Variants in GULP1 observed in about 807,000 individuals in gnomAD.
GULP1 encodes GULP PTB domain containing engulfment adaptor 1, also known as PTB domain-containing engulfment adapter protein 1.
GULP1 carries 19 observed loss-of-function variants against 40.9 expected under a neutral mutation model. The ratio of observed to expected loss-of-function variants is 0.46; its 90% CI spans 0.32 to 0.68. The LOEUF (loss-of-function observed/expected upper bound fraction) is 0.68, where lower values mean the gene tolerates loss of function less well. GULP1 is among the 30% of genes least tolerant of loss of function. GULP1 has a pLI of 0.03. For synonymous variants in GULP1, 119 were observed against 117.6 expected, an observed-to-expected ratio of 1.01 and a Z score of -0.08; for missense variants, 312 against 362.2, an observed-to-expected ratio of 0.86 and a Z score of 1.12.
At chr2:188,569,168 T>C (rs1488654604) in intron 7 of GULP1, 71 bp from the exon 8 acceptor site, 2 of 811,848 alleles carry the variant, frequency 2.5e-6, no homozygotes, top group African/African-American at 3.4e-5. Flanking sequence ...CTTATATGAA[T>C]GTTGTTTTCT....
intron 4 of GULP1, among the ~76,000 whole-genome samples, chr2:188,495,750 G>A (rs1172565382): frequency 6.6e-6 from 1 of 151,930 alleles, no homozygotes; most frequent in Non-Finnish European, 1.5e-5. Flanking sequence ...ACAGTGCCTA[G>A]CACATGGTTG....
intron 2 of GULP1, among the ~76,000 whole-genome samples, chr2:188,420,170 G>T (rs1008285106): frequency 4.6e-5 from 7 of 151,998 alleles, no homozygotes; most frequent in Non-Finnish European, 8.8e-5. Context: ...GCTATTTGGG[G>T]TTTTTGTGGT....
At chr2:188,388,307 T>A (rs1361939285) in intron 2 of GULP1, among the ~76,000 whole-genome samples, 1 of 149,390 alleles carries the variant, frequency 6.7e-6, no homozygotes. Context: ...GGCAGGTGGA[T>A]CGCTTGAGGA....
chr2:188,299,360 G>A (rs1214227689), intron 1 of GULP1, among the ~76,000 whole-genome samples: 1 of 152,270 alleles, frequency 6.6e-6, no homozygotes, highest in East Asian at 1.9e-4. Flanking sequence ...ACAAAGAACA[G>A]GGAAGCTCAA....
chr2:188,432,172 C>T lies in GULP1; in HGVS notation c.-44-45487C>T, dbSNP rs561163739. On this transcript the variant is annotated intron_variant, in intron 2 of 11. Transcript: ENST00000409830. ...TAAATTTTTTAAGAAAAAATATCTT[C>T]GTATGTATTTTTTAAAATTGGAAAT... is the stretch of plus-strand genomic sequence containing the variant. 1.2e-4 allele frequency among the ~76,000 whole-genome samples: 18 copies of T among 151,516 alleles called. No individual in the cohort carries two copies. In the East Asian group the frequency reaches 1.6e-3, roughly 13 times the overall value.
intron 2 of GULP1, among the ~76,000 whole-genome samples, chr2:188,386,098 G>A (rs530610352): frequency 3.9e-5 from 6 of 152,096 alleles, no homozygotes; most frequent in Admixed American, 1.3e-4. Context: ...TGCTGATGAC[G>A]ACATACCCAA....
intron 9 of GULP1, among the ~76,000 whole-genome samples, chr2:188,583,015 T>A (rs1701636371): frequency 6.6e-6 from 1 of 151,888 alleles, no homozygotes; most frequent in Non-Finnish European, 1.5e-5. Flanking sequence ...GTAAATAAAT[T>A]TTTGATTGAT....
At chr2:188,486,769 T>G (rs1463022685) in intron 4 of GULP1, among the ~76,000 whole-genome samples, 1 of 151,970 alleles carries the variant, frequency 6.6e-6, no homozygotes, top group Non-Finnish European at 1.5e-5. Context: ...TAATGTGCAG[T>G]GACAGCATTA....
At chr2:188,494,617 C>T (rs1043885316) in intron 4 of GULP1, among the ~76,000 whole-genome samples, 43 of 151,998 alleles carry the variant, frequency 2.8e-4, no homozygotes, top group African/African-American at 1.0e-3. Context: ...TCCTCTTCTT[C>T]CAGTTCCGAT....
chr2:188,419,018 C>T (rs1360385751), intron 2 of GULP1, among the ~76,000 whole-genome samples: 2 of 152,140 alleles, frequency 1.3e-5, no homozygotes, highest in Non-Finnish European at 2.9e-5. Flanking sequence ...GTACAGTGTC[C>T]TCAAGGTTCA....
intron 6 of GULP1, among the ~76,000 whole-genome samples, chr2:188,533,642 A>G (rs568333004): frequency 1.4e-3 from 215 of 152,266 alleles, no homozygotes; most frequent in Admixed American, 3.7e-3. Context: ...GACCTAATTA[A>G]ATTAAAGAGC....
intron 2 of GULP1, among the ~76,000 whole-genome samples, chr2:188,421,548 A>G (rs1036929133): frequency 2.0e-5 from 3 of 152,182 alleles, no homozygotes; most frequent in Non-Finnish European, 4.4e-5. Context: ...ACATTTATCA[A>G]TCACTTAAAT....
intron 4 of GULP1, among the ~76,000 whole-genome samples, chr2:188,499,564 T>C (rs1248920721): frequency 6.6e-6 from 1 of 151,738 alleles, no homozygotes; most frequent in Non-Finnish European, 1.5e-5. Flanking sequence ...TCCAGGGAAG[T>C]AGTCAGAACT....
chr2:188,353,287 TTA>T (rs2044761165), intron 1 of GULP1, among the ~76,000 whole-genome samples: 1 of 152,210 alleles, frequency 6.6e-6, no homozygotes, highest in Admixed American at 6.5e-5. Flanking sequence ...TCTAAATTCT[TTA>T]TGTGTACTAA....
chr2:188,412,866 T>C (rs1386001623), intron 2 of GULP1, among the ~76,000 whole-genome samples: 1 of 152,244 alleles, frequency 6.6e-6, no homozygotes, highest in East Asian at 1.9e-4. Flanking sequence ...GTGCCTGCTT[T>C]GTTTCTGGTA....
At chr2:188,418,602 C>T (rs2054915714) in intron 2 of GULP1, among the ~76,000 whole-genome samples, 1 of 152,062 alleles carries the variant, frequency 6.6e-6, no homozygotes, top group Non-Finnish European at 1.5e-5. Flanking sequence ...CACTGCACTC[C>T]AGCCTGGGGA....
At chr2:188,584,622 T>C (rs1701993770) in intron 10 of GULP1, among the ~76,000 whole-genome samples, 1 of 151,998 alleles carries the variant, frequency 6.6e-6, no homozygotes, top group South Asian at 2.1e-4. Context: ...CTTTTACCTA[T>C]TGTGTGAACA....
chr2:188,576,019 C>T (rs1238777396), intron 9 of GULP1, among the ~76,000 whole-genome samples: 1 of 152,036 alleles, frequency 6.6e-6, no homozygotes, highest in Non-Finnish European at 1.5e-5. Context: ...CACACACACA[C>T]AAAAGGAGCA....
At chr2:188,440,267 T>G (rs180869886) in intron 2 of GULP1, among the ~76,000 whole-genome samples, 1 of 152,348 alleles carries the variant, frequency 6.6e-6, no homozygotes, top group East Asian at 1.9e-4. Flanking sequence ...CTGTTAAAGC[T>G]TCTTTCACAT....
Sources: gnomAD v4.1 joint callset for allele counts (sites outside exome capture counted in the v4.1 genomes callset) on GRCh38, gnomAD v4.1.1 for gene constraint, MANE v1.5 for transcripts, NCBI Gene and HGNC (gene_info 2026-07-23, HGNC 2026-07-21) for gene names.